PDS5B: variants seen among roughly 807,000 people sequenced by gnomAD.
PDS5B encodes PDS5 cohesin associated factor B.
Under a neutral mutation model 184.1 loss-of-function variants are expected in PDS5B, and 51 were observed. The ratio of observed to expected loss-of-function variants is 0.28; its 90% confidence interval spans 0.22 to 0.35. PDS5B has a LOEUF of 0.35. Among genes scored for constraint, PDS5B ranks in the 10% least tolerant of loss-of-function variants. The pLI is 1.00. For synonymous variants in PDS5B, 566 were observed against 569.2 expected (o/e 0.99, Z 0.08); for missense variants, 1,180 against 1,723.3 (o/e 0.68, Z 5.58).
chr13:32,604,774 A>G (rs1317475164), intron 1 of PDS5B, among the ~76,000 whole-genome samples: 13 of 152,096 alleles, frequency 8.5e-5, no homozygotes, highest in Non-Finnish European at 1.6e-4. Flanking sequence ...CTATTCAGGG[A>G]TTCAACTTCT....
chr13:32,699,634 G>A, intron 15 of PDS5B, 96 bp from the exon 16 acceptor site: 1 of 627,098 alleles, frequency 1.6e-6, no homozygotes. Flanking sequence ...TGTACGTAAG[G>A]ATTTTAAGGC....
At chr13:32,661,046 T>A (rs985110086) in intron 6 of PDS5B, among the ~76,000 whole-genome samples, 2 of 151,946 alleles carry the variant, frequency 1.3e-5, no homozygotes, top group Non-Finnish European at 2.9e-5. Context: ...AAAAATGTAA[T>A]AACTAGACAT....
chr13:32,762,658 T>A (rs1351937758), intron 30 of PDS5B, among the ~76,000 whole-genome samples: 1 of 152,134 alleles, frequency 6.6e-6, no homozygotes, highest in Non-Finnish European at 1.5e-5. Context: ...AGCCTCGAAA[T>A]TGTGTTTGAC....
intron 1 of PDS5B, among the ~76,000 whole-genome samples, chr13:32,628,416 C>T (rs1164687373): frequency 2.0e-5 from 3 of 151,888 alleles, no homozygotes; most frequent in South Asian, 2.1e-4. Flanking sequence ...GATGTGGTGG[C>T]AGGTGCCTGT....
chr13:32,597,243 A>G (rs542854844), intron 1 of PDS5B, among the ~76,000 whole-genome samples: 1 of 147,484 alleles, frequency 6.8e-6, no homozygotes, highest in East Asian at 2.0e-4. Context: ...GGGGTTCGCC[A>G]TGTTGCCCAG....
chr13:32,641,381 G>C (rs1950085224), intron 1 of PDS5B, among the ~76,000 whole-genome samples: 1 of 151,380 alleles, frequency 6.6e-6, no homozygotes, highest in South Asian at 2.1e-4. Flanking sequence ...CTCGTAATTT[G>C]GTATTCATTC....
In PDS5B at chr13:32,753,314, A is replaced by G. The variant is rs943905582; in HGVS notation, c.2737-18A>G. 3 of 1,594,396 alleles carry G rather than the reference A, an allele frequency of 1.9e-6. No homozygotes were observed. The African/African-American group carries it at 4.0e-5, about 21-fold the overall frequency. On this transcript the variant is annotated intron_variant, in intron 24 of 34. Coordinates refer to ENST00000315596, the MANE Select transcript of PDS5B (RefSeq NM_015032.4). ...TGCTGCCATTTGAATAATATCTGGAATAATTGTGTCTTTACAGGATGAATG... is the reference window on the plus strand; with the variant it reads ...TGCTGCCATTTGAATAATATCTGGAGTAATTGTGTCTTTACAGGATGAATG...
At chr13:32,586,929 C>T (rs2057689218) in intron 1 of PDS5B, among the ~76,000 whole-genome samples, 2 of 140,082 alleles carry the variant, frequency 1.4e-5, no homozygotes, top group Admixed American at 7.0e-5. Context: ...GCGGCGGCGG[C>T]GGCGGGCGGT....
chr13:32,614,561 G>A (rs1463102975), intron 1 of PDS5B, among the ~76,000 whole-genome samples: 1 of 152,192 alleles, frequency 6.6e-6, no homozygotes, highest in African/African-American at 2.4e-5. Context: ...GCCTCCCAAA[G>A]TGCTGGGATT....
chr13:32,764,541 T>C lies in PDS5B; in HGVS notation c.3571T>C (p.Ser1191Pro). Reference protein sequence around the residue: ...HSENEDYTMSSPLPGKKSDKR... With the variant: ...HSENEDYTMSPPLPGKKSDKR... ...TGAAAATGAAGATTACACAATGTCT[T>C]CACCTTTGCCGGGGAAAAAAAGTGA... is the stretch of plus-strand genomic sequence containing the variant. The change falls in exon 31 of 35, where the codon TCA (serine) becomes CCA (proline). Residue 1191 changes from serine (S) to proline (P), a missense_variant. By Grantham distance (74) the Ser-to-Pro change is moderately conservative. This residue lies in a region of PDS5B where 465 missense variants were observed against 497.8 expected (regional missense o/e 0.93). Coordinates refer to ENST00000315596, the MANE Select transcript of PDS5B (RefSeq NM_015032.4). The C allele has an allele frequency of 6.2e-7, 1 of 1,607,766 alleles. No individual in the cohort carries two copies. The highest frequency in any genetic ancestry group is 8.5e-7 in the Non-Finnish European group (1 of 1,176,504).
chr13:32,626,566 C>T (rs1397137693), intron 1 of PDS5B, among the ~76,000 whole-genome samples: 1 of 151,906 alleles, frequency 6.6e-6, no homozygotes, highest in East Asian at 1.9e-4. Context: ...TCATGAGCCT[C>T]CTGTCACCAT....
At chr13:32,681,173 G>A (rs1951227905) in intron 10 of PDS5B, among the ~76,000 whole-genome samples, 1 of 152,130 alleles carries the variant, frequency 6.6e-6, no homozygotes, top group Non-Finnish European at 1.5e-5. Context: ...TCTACTCACT[G>A]TTGTTACAGA....
At chr13:32,771,174 T>G (rs781041598) in intron 33 of PDS5B, 1 of 155,982 alleles carries the variant, frequency 6.4e-6, no homozygotes. Flanking sequence ...TTCTTTGAAC[T>G]TGTAGTAGGA....
chr13:32,765,245 ATAAC>A (rs1160419111), intron 31 of PDS5B, among the ~76,000 whole-genome samples: 4 of 152,214 alleles, frequency 2.6e-5, no homozygotes, highest in Admixed American at 6.5e-5. Context: ...CATTTCCTTA[ATAAC>A]TAATTAGGCT....
intron 7 of PDS5B, among the ~76,000 whole-genome samples, chr13:32,672,396 T>C (rs1950960846): frequency 6.6e-6 from 1 of 152,038 alleles, no homozygotes; most frequent in African/African-American, 2.4e-5. Flanking sequence ...GACACACATA[T>C]ACATATATGT....
chr13:32,732,149 T>G lies in PDS5B; in HGVS notation c.2172T>G (p.Arg724=). 1 of 1,609,294 alleles carries G rather than the reference T, an allele frequency of 6.2e-7. No homozygotes were observed. The highest frequency in any genetic ancestry group is 8.5e-7 in the Non-Finnish European group (1 of 1,176,164). Reference sequence around the variant, plus strand: ...ACAAATCTAAAAAAGGACCCCCCCGTCAAGCCAAATATGCCATTCATTGTA... The same window carrying G: ...ACAAATCTAAAAAAGGACCCCCCCGGCAAGCCAAATATGCCATTCATTGTA... ...LHHKSKKGPP[R]QAKYAIHCIH... The change falls in exon 20 of 35, where the codon CGT becomes CGG. Residue 724 remains arginine (R), a synonymous_variant. Transcript: ENST00000315596.
intron 1 of PDS5B, among the ~76,000 whole-genome samples, chr13:32,623,423 A>T (rs76097963): frequency 6.6e-6 from 1 of 152,176 alleles, no homozygotes; most frequent in Non-Finnish European, 1.5e-5. Context: ...TGTGTTCGTT[A>T]TACAAAGTCG....
At chr13:32,641,198 G>T (rs1158594480) in intron 1 of PDS5B, among the ~76,000 whole-genome samples, 1 of 152,018 alleles carries the variant, frequency 6.6e-6, no homozygotes, top group East Asian at 1.9e-4. Context: ...AATAGTGAAT[G>T]GTTGAGATTC....
At chr13:32,622,503 T>C (rs1339300399) in intron 1 of PDS5B, among the ~76,000 whole-genome samples, 3 of 152,204 alleles carry the variant, frequency 2.0e-5, no homozygotes, top group African/African-American at 4.8e-5. Context: ...TTGAAAAGAC[T>C]GTGTAAGGGT....
Sources: gnomAD v4.1 joint callset for allele counts (sites outside exome capture counted in the v4.1 genomes callset) on GRCh38, gnomAD v4.1.1 for gene constraint, gnomAD v4.1.1 regional missense constraint, MANE v1.5 for transcripts, NCBI Gene and HGNC (gene_info 2026-07-23, HGNC 2026-07-21) for gene names.